The following ZC3H12B variants were observed in gnomAD, a reference collection of about 807,000 sequenced individuals.
ZC3H12B encodes the protein zinc finger CCCH-type containing 12B.
Under a neutral mutation model 43.9 loss-of-function variants are expected in ZC3H12B, and 7 were observed. That is an observed-to-expected ratio of 0.16 (90% CI 0.09 to 0.30). ZC3H12B has a LOEUF of 0.30. Ranked by LOEUF, ZC3H12B falls within the 10% of genes least tolerant of loss-of-function variation. ZC3H12B has a pLI of 1.00. For missense variants in ZC3H12B, 475 were observed against 670.2 expected, an observed-to-expected ratio of 0.71 and a Z score of 3.22; for synonymous variants, 222 against 241.7, an observed-to-expected ratio of 0.92 and a Z score of 0.76.
At chrX:65,152,067 T>G in the ZC3H12B span, among the ~76,000 whole-genome samples, 7 of 111,766 alleles carry the variant, frequency 6.3e-5, no homozygotes, top group Non-Finnish European at 1.3e-4. Context: ...AATTAGGTAT[T>G]GATGGGATGT....
the ZC3H12B span, among the ~76,000 whole-genome samples, chrX:65,241,809 C>T: frequency 1.8e-5 from 2 of 111,649 alleles, no homozygotes; most frequent in East Asian, 2.9e-4. Context: ...GTGGGGCCTA[C>T]AAAACAACAC....
chrX:65,386,449 AT>A (rs1405743313), intron 2 of ZC3H12B, among the ~76,000 whole-genome samples: 22 of 111,791 alleles, frequency 2.0e-4, no homozygotes, highest in African/African-American at 6.8e-4. Context: ...TGTTTATAGT[AT>A]TCTCTGATGG....
chrX:65,503,009 C>A (rs764503057), exon 5 of ZC3H12B: 1 of 1,209,272 alleles, frequency 8.3e-7, no homozygotes, highest in Non-Finnish European at 1.1e-6. Context: ...GATGGAGCAG[C>A]TTTGGAGGAA....
the ZC3H12B span, among the ~76,000 whole-genome samples, chrX:65,345,372 A>C: frequency 8.9e-6 from 1 of 112,311 alleles, no homozygotes; most frequent in Admixed American, 9.5e-5. Context: ...AGCCATAAAA[A>C]AGAATGAGAT....
chrX:65,213,078 G>C, the ZC3H12B span, among the ~76,000 whole-genome samples: 2 of 107,107 alleles, frequency 1.9e-5, no homozygotes, highest in Non-Finnish European at 3.9e-5. Flanking sequence ...ATACTATTCT[G>C]ATATATACTG....
chrX:65,039,225 T>C, the ZC3H12B span, among the ~76,000 whole-genome samples: 1 of 111,931 alleles, frequency 8.9e-6, no homozygotes, highest in Non-Finnish European at 1.9e-5. Flanking sequence ...TTTTAGACTC[T>C]TGGTATCGGA....
the ZC3H12B span, among the ~76,000 whole-genome samples, chrX:65,206,333 G>A: frequency 8.9e-6 from 1 of 111,822 alleles, no homozygotes; most frequent in Admixed American, 9.6e-5. Context: ...CAATGGAACA[G>A]AATAGAGAAC....
At chrX:65,502,651 C>A (rs772001538) in exon 5 of ZC3H12B, 9 of 1,207,255 alleles carry the variant, frequency 7.5e-6, no homozygotes, top group Non-Finnish European at 7.8e-6. Flanking sequence ...AGCAAGGCCC[C>A]CACAAACAGT....
the ZC3H12B span, among the ~76,000 whole-genome samples, chrX:65,064,466 G>A: frequency 1.1e-4 from 12 of 112,215 alleles, no homozygotes; most frequent in Non-Finnish European, 1.3e-4. Context: ...GTGGTCTTGC[G>A]TGAGTTTCTT....
chrX:65,232,842 A>C, the ZC3H12B span, among the ~76,000 whole-genome samples: 3 of 111,764 alleles, frequency 2.7e-5, no homozygotes, highest in Non-Finnish European at 5.6e-5. Context: ...TATGCTGTCT[A>C]GAAGAAACTT....
the ZC3H12B span, among the ~76,000 whole-genome samples, chrX:65,097,316 T>C: frequency 1.8e-5 from 2 of 111,958 alleles, no homozygotes; most frequent in African/African-American, 6.5e-5. Context: ...ACTAGTTTTA[T>C]TGGGTTCATG....
intron 3 of ZC3H12B, among the ~76,000 whole-genome samples, chrX:65,444,161 G>A (rs1316165131): frequency 8.9e-6 from 1 of 112,043 alleles, no homozygotes; most frequent in Non-Finnish European, 1.9e-5. Context: ...CTGTTTTTGT[G>A]TATTTGTTGT....
At chrX:65,106,623 T>G in the ZC3H12B span, among the ~76,000 whole-genome samples, 1 of 110,843 alleles carries the variant, frequency 9.0e-6, no homozygotes, top group African/African-American at 3.3e-5. Flanking sequence ...GGTTCTTGAT[T>G]TAATAAGAAG....
the ZC3H12B span, among the ~76,000 whole-genome samples, chrX:65,101,628 C>G: frequency 1.9e-4 from 21 of 111,825 alleles, no homozygotes; most frequent in African/African-American, 6.8e-4. Context: ...CACAAATAAG[C>G]TAGAAAATCT....
chrX:65,085,524 C>T, the ZC3H12B span, among the ~76,000 whole-genome samples: 1 of 110,764 alleles, frequency 9.0e-6, no homozygotes, highest in Non-Finnish European at 1.9e-5. Flanking sequence ...CTATATTACC[C>T]CAGTTTGTGT....
the ZC3H12B span, among the ~76,000 whole-genome samples, chrX:65,150,940 T>A: frequency 9.0e-6 from 1 of 111,633 alleles, no homozygotes; most frequent in Non-Finnish European, 1.9e-5. Context: ...AAGCACACAA[T>A]CCCATTTTAT....
the ZC3H12B span, among the ~76,000 whole-genome samples, chrX:65,310,434 C>T: frequency 9.0e-6 from 1 of 111,409 alleles, no homozygotes; most frequent in African/African-American, 3.3e-5. Context: ...CCTAGGAATC[C>T]AACTTACAAG....
At chrX:65,176,576 A>G in the ZC3H12B span, among the ~76,000 whole-genome samples, 192 of 111,728 alleles carry the variant, frequency 1.7e-3, 6 homozygotes, top group South Asian at 0.071. Flanking sequence ...CCCTGACATA[A>G]TAAAAACTGA....
chrX:65,328,068 G>T, the ZC3H12B span: 1 of 262,829 alleles, frequency 3.8e-6, no homozygotes, highest in East Asian at 9.6e-5. Context: ...TTCTTTGCCA[G>T]GTACTTTAGG....
Sources: allele counts gnomAD v4.1 joint callset (sites outside exome capture counted in the v4.1 genomes callset), GRCh38; gene constraint gnomAD v4.1.1; transcripts MANE v1.5; gene names NCBI Gene and HGNC (gene_info 2026-07-23, HGNC 2026-07-21).